Variants in CCDC73 observed in about 807,000 individuals in gnomAD.
CCDC73 encodes the protein coiled-coil domain containing 73.
A neutral mutation model predicts 116.5 loss-of-function variants in CCDC73; 95 were observed. That is an observed-to-expected ratio of 0.82 (90% CI 0.69 to 0.97). The LOEUF is 0.97. Among genes scored for constraint, CCDC73 ranks in the 50% least tolerant of loss-of-function variants. The probability of loss-of-function intolerance (pLI) is 0.00; values close to 1 mark genes in which losing one functional copy is unlikely to be tolerated. For synonymous variants in CCDC73, 398 were observed against 401.3 expected (o/e 0.99, Z 0.10); for missense variants, 1,066 against 1,206.8 (o/e 0.88, Z 1.73).
chr11:32,783,513 T>C (rs1305712557), intron 1 of CCDC73, among the ~76,000 whole-genome samples: 1 of 152,196 alleles, frequency 6.6e-6, no homozygotes, highest in African/African-American at 2.4e-5. Flanking sequence ...TTTCTCGCAG[T>C]TCTGGAAGCT....
intron 6 of CCDC73, among the ~76,000 whole-genome samples, chr11:32,684,065 T>TG (rs1856172355): frequency 1.3e-5 from 2 of 152,012 alleles, no homozygotes; most frequent in African/African-American, 4.8e-5. Flanking sequence ...TTTGTTTGTT[T>TG]TTAAGATACA....
intron 1 of CCDC73, among the ~76,000 whole-genome samples, chr11:32,793,233 C>T (rs1289875599): frequency 6.6e-6 from 1 of 152,186 alleles, no homozygotes; most frequent in Non-Finnish European, 1.5e-5. Context: ...CAAGGCAACC[C>T]TGAAACCAGG....
chr11:32,690,358 T>G (rs900343477), intron 6 of CCDC73, among the ~76,000 whole-genome samples: 6 of 152,146 alleles, frequency 3.9e-5, no homozygotes, highest in Admixed American at 3.3e-4. Context: ...CAGAGGAAGG[T>G]AAAGAGATAT....
At chr11:32,631,822 CAG>C (rs1183596186) in intron 14 of CCDC73, among the ~76,000 whole-genome samples, 1 of 152,100 alleles carries the variant, frequency 6.6e-6, no homozygotes, top group Non-Finnish European at 1.5e-5. Flanking sequence ...GCCTGGGTGA[CAG>C]AGCAAGACCC....
In CCDC73 at chr11:32,629,561, G is replaced by T. The variant is rs372854706; in HGVS notation, c.1185+6135C>A. Among the ~76,000 whole-genome samples the T allele has an allele frequency of 9.9e-5, 15 of 151,968 alleles. No homozygotes were observed. The East Asian group carries it at 1.7e-3, about 18-fold the overall frequency. ...ATTACAGGCATGCGCCACCACGCCC[G>T]GCGAATTTTTGTATTTTTAGTAGAG... On this transcript the variant is annotated intron_variant, in intron 14 of 17. Transcript: ENST00000335185.
chr11:32,743,707 TTGTC>T (rs1332890229), intron 2 of CCDC73, among the ~76,000 whole-genome samples: 1 of 152,058 alleles, frequency 6.6e-6, no homozygotes, highest in Non-Finnish European at 1.5e-5. Context: ...GGCTCTCTGT[TTGTC>T]TGTTATTGGT....
chr11:32,690,533 G>A (rs944355859), intron 6 of CCDC73, among the ~76,000 whole-genome samples: 31 of 152,114 alleles, frequency 2.0e-4, no homozygotes, highest in African/African-American at 7.5e-4. Context: ...CTGGATAATG[G>A]GGGCAGTTTC....
chr11:32,603,037 A>AATT lies in CCDC73; in HGVS notation c.3031-20_3031-18dup, dbSNP rs749687080. 9 of 1,559,448 alleles carry AATT rather than the reference A, an allele frequency of 5.8e-6. No homozygotes were observed. The Admixed American group carries it at 1.6e-4, about 28-fold the overall frequency. Reference sequence around the variant, plus strand: ...TGTTTTCACCTGGGAAAGATAAACTAATTTTACCTTCGAAATTATTATACA... The same window carrying AATT: ...TGTTTTCACCTGGGAAAGATAAACTAATTATTTTACCTTCGAAATTATTATACA... On this transcript the variant is annotated splice_polypyrimidine_tract_variant and intron_variant, in intron 17 of 17. Transcript: ENST00000335185.
Position 32,614,394 on chromosome 11 carries a change from A to T in CCDC73, c.1924T>A (p.Cys642Ser), listed in dbSNP as rs763470889. The T allele has an allele frequency of 1.2e-6, 2 of 1,613,320 alleles. No individual in the cohort carries two copies. Among genetic ancestry groups the T allele is most frequent in the South Asian group, 2.2e-5 (2 of 91,040 alleles). Residue 642 changes from cysteine (C) to serine (S), a missense_variant, in exon 16 of 18, where the codon TGT becomes AGT. Coordinates refer to ENST00000335185, the MANE Select transcript of CCDC73 (RefSeq NM_001008391.4). ...GAATTCCGTAAACTATATTTCTGACATGGAACAGGATTTTTTTTTATATCT... is the reference window on the plus strand; with the variant it reads ...GAATTCCGTAAACTATATTTCTGACTTGGAACAGGATTTTTTTTTATATCT... ...SLDIKKNPVP[C>S]QKYSLRNSSN...
At chr11:32,830,109 G>C in the CCDC73 span, 1 of 992,936 alleles carries the variant, frequency 1.0e-6, no homozygotes, top group South Asian at 4.7e-5. Context: ...CCTGGCGGCC[G>C]AAGGAACCGC....
intron 1 of CCDC73, among the ~76,000 whole-genome samples, chr11:32,762,700 G>A (rs1850402498): frequency 6.6e-6 from 1 of 152,088 alleles, no homozygotes; most frequent in Non-Finnish European, 1.5e-5. Flanking sequence ...GCAGAAAACG[G>A]GTGATTTCTG....
At chr11:32,609,319 T>C (rs1289708113) in intron 17 of CCDC73, among the ~76,000 whole-genome samples, 1 of 152,126 alleles carries the variant, frequency 6.6e-6, no homozygotes, top group African/African-American at 2.4e-5. Flanking sequence ...CCCTAAATCA[T>C]CTCTCTCAAG....
At chr11:32,788,081 G>A (rs930672030) in intron 1 of CCDC73, among the ~76,000 whole-genome samples, 10 of 152,242 alleles carry the variant, frequency 6.6e-5, no homozygotes, top group East Asian at 1.9e-4. Flanking sequence ...GACCAATGGC[G>A]AAGTCTTCCA....
chr11:32,801,653 A>C, the CCDC73 span, among the ~76,000 whole-genome samples: 48 of 148,120 alleles, frequency 3.2e-4, no homozygotes, highest in Admixed American at 1.6e-3. Flanking sequence ...AAAAAAAAAA[A>C]CAAACACTAA....
At chr11:32,712,699 G>T (rs953545479) in intron 3 of CCDC73, among the ~76,000 whole-genome samples, 2 of 151,740 alleles carry the variant, frequency 1.3e-5, no homozygotes, top group African/African-American at 4.8e-5. Flanking sequence ...CAATAAGTCT[G>T]TCATATAATC....
the CCDC73 span, among the ~76,000 whole-genome samples, chr11:32,819,896 G>A: frequency 6.6e-6 from 1 of 152,108 alleles, no homozygotes; most frequent in African/African-American, 2.4e-5. Flanking sequence ...TTGATAACCT[G>A]TATAATACAT....
chr11:32,736,763 G>A (rs1180856772), intron 2 of CCDC73, among the ~76,000 whole-genome samples: 4 of 151,768 alleles, frequency 2.6e-5, no homozygotes, highest in Admixed American at 2.6e-4. Flanking sequence ...AACCAACCCA[G>A]ATGTCCATCA....
In CCDC73 at chr11:32,691,909, G is replaced by A. The variant is rs185038065; in HGVS notation, c.390+7342C>T. Among the ~76,000 whole-genome samples the A allele has an allele frequency of 7.8e-4, 119 of 152,018 alleles. 2 individuals carry two copies. In the East Asian group the frequency reaches 0.022, roughly 27 times the overall value. On this transcript the variant is annotated intron_variant, in intron 6 of 17. Transcript: ENST00000335185. ...TAAAAATACAAAAAATTAGCTGGGC[G>A]TGGTGGCAGGTGCCTGTAGTCCCAG...
intron 2 of CCDC73, among the ~76,000 whole-genome samples, chr11:32,755,857 G>GTATATATCTTCATATATATATCTATA (rs1565094344): frequency 3.1e-5 from 2 of 63,574 alleles, no homozygotes; most frequent in African/African-American, 1.3e-4. Flanking sequence ...ATATGTGTGT[G>GTATATATCTTCATATATATATCTATA]TATATATCTC....
Sources: allele counts gnomAD v4.1 joint callset (sites outside exome capture counted in the v4.1 genomes callset), GRCh38; gene constraint gnomAD v4.1.1; transcripts MANE v1.5; gene names NCBI Gene and HGNC (gene_info 2026-07-23, HGNC 2026-07-21).